ANOS1: variants seen among roughly 807,000 people sequenced by gnomAD.
The protein encoded by ANOS1 is anosmin 1, also known as anosmin-1.
In ANOS1, 6 loss-of-function variants were observed where a neutral mutation model predicts 59.0. The ratio of observed to expected loss-of-function variants is 0.10; its 90% CI spans 0.06 to 0.20. ANOS1 has a LOEUF of 0.20. ANOS1 is among the 10% of genes least tolerant of loss of function. The pLI, the probability that ANOS1 is intolerant of heterozygous loss-of-function variation, is 1.00. For synonymous variants in ANOS1, 217 were observed against 223.4 expected (o/e 0.97, Z 0.25); for missense variants, 433 against 542.3 (o/e 0.80, Z 2.00).
At chrX:8,700,917 G>A (rs185470664) in intron 1 of ANOS1, among the ~76,000 whole-genome samples, 1 of 111,792 alleles carries the variant, frequency 8.9e-6, no homozygotes, top group Admixed American at 9.5e-5. Flanking sequence ...GCTAAGGCAG[G>A]AGAATTGCTT....
intron 6 of ANOS1, among the ~76,000 whole-genome samples, chrX:8,583,453 G>A (rs965815548): frequency 8.9e-6 from 1 of 111,920 alleles, no homozygotes; most frequent in Non-Finnish European, 1.9e-5. Context: ...ATTTTTCCCA[G>A]TGAGGCTGTT....
intron 1 of ANOS1, among the ~76,000 whole-genome samples, chrX:8,727,685 A>G (rs1932932067): frequency 8.9e-6 from 1 of 112,130 alleles, no homozygotes; most frequent in Non-Finnish European, 1.9e-5. Context: ...GCCTGAGCAC[A>G]TGTGTCTGAG....
At chrX:8,544,927 G>A (rs1202217693) in intron 9 of ANOS1, among the ~76,000 whole-genome samples, 4 of 107,054 alleles carry the variant, frequency 3.7e-5, no homozygotes, top group Non-Finnish European at 7.7e-5. Flanking sequence ...TTAGCCAAGC[G>A]TGGTGGTGCC....
intron 3 of ANOS1, among the ~76,000 whole-genome samples, chrX:8,623,030 TGATGGATGGATG>T (rs34949507): frequency 0.035 from 3,540 of 102,395 alleles, 117 homozygotes; most frequent in African/African-American, 0.1. Context: ...GATGGATGGA[TGATGGATGGATG>T]GATGGATGGA....
rs941101138 is a variant in ANOS1 at position 8,533,614 on chromosome X, G to C, written c.1985-561C>G. The stretch of plus-strand genomic sequence containing the variant: ...ACACTTTTTTAAAAAATTTAAGCTA[G>C]AAAATAAAGTAAACGAAGTACATAA... On this transcript the variant is annotated intron_variant, in intron 13 of 13. Transcript: ENST00000262648. Among the ~76,000 whole-genome samples the C allele has an allele frequency of 2.7e-5, 3 of 111,892 alleles. No individual in the cohort carries two copies. The Admixed American group carries it at 2.9e-4, about 11-fold the overall frequency.
chrX:8,602,749 A>ATTT (rs1930866775), intron 3 of ANOS1, among the ~76,000 whole-genome samples: 1 of 110,218 alleles, frequency 9.1e-6, no homozygotes, highest in South Asian at 3.8e-4. Context: ...TATTATTATT[A>ATTT]TTATTATTTT....
intron 1 of ANOS1, among the ~76,000 whole-genome samples, chrX:8,723,484 A>G (rs1203283638): frequency 8.9e-6 from 1 of 112,457 alleles, no homozygotes; most frequent in African/African-American, 3.2e-5. Context: ...ACTAGTGATC[A>G]GGGAAATGCA....
chrX:8,643,085 T>C (rs75717827), intron 2 of ANOS1, among the ~76,000 whole-genome samples: 10 of 111,833 alleles, frequency 8.9e-5, no homozygotes, highest in African/African-American at 3.2e-4. Flanking sequence ...TATGAGTCAA[T>C]TGAAACACAT....
At chrX:8,728,668 G>T (rs897204210) in intron 1 of ANOS1, among the ~76,000 whole-genome samples, 3 of 112,092 alleles carry the variant, frequency 2.7e-5, no homozygotes, top group African/African-American at 9.7e-5. Context: ...AAAGCATCCT[G>T]GAGCCAGATA....
chrX:8,713,362 T>C (rs1253653924), intron 1 of ANOS1, among the ~76,000 whole-genome samples: 3 of 110,105 alleles, frequency 2.7e-5, no homozygotes, highest in Non-Finnish European at 3.8e-5. Context: ...CATGACTGAC[T>C]GAAGCAGTGA....
In ANOS1 at chrX:8,539,784, A is replaced by G. The variant is rs763122327; in HGVS notation, c.1355-26T>C. ...CTATAATGCCAAAACACGCAAACAAAAATAATAGGCTGGATGTTACATTCC... is the reference window on the plus strand; with the variant it reads ...CTATAATGCCAAAACACGCAAACAAGAATAATAGGCTGGATGTTACATTCC... On this transcript the variant is annotated intron_variant, in intron 9 of 13. Transcript: ENST00000262648. The G allele has an allele frequency of 4.1e-6, 5 of 1,210,301 alleles. No individual in the cohort carries two copies. The Admixed American group carries it at 1.1e-4, about 26-fold the overall frequency.
At chrX:8,625,108 C>CAAAAAT (rs201666765) in intron 2 of ANOS1, among the ~76,000 whole-genome samples, 1 of 107,220 alleles carries the variant, frequency 9.3e-6, no homozygotes, top group South Asian at 4.0e-4. Context: ...AACTCTGTCT[C>CAAAAAT]AAAAATAAAA....
chrX:8,711,716 G>A (rs1932813906), intron 1 of ANOS1, among the ~76,000 whole-genome samples: 4 of 112,498 alleles, frequency 3.6e-5, no homozygotes, highest in Admixed American at 9.4e-5. Flanking sequence ...TTAATCATGC[G>A]ATTAGCCATG....
chrX:8,561,884 A>G (rs1930038395), intron 8 of ANOS1, among the ~76,000 whole-genome samples: 1 of 111,774 alleles, frequency 8.9e-6, no homozygotes, highest in African/African-American at 3.2e-5. Flanking sequence ...GCTCAATGTC[A>G]ATCTTGTCTT....
At chrX:8,536,667 C>T in intron 11 of ANOS1, 104 bp downstream of exon 11, 1 of 601,993 alleles carries the variant, frequency 1.7e-6, no homozygotes, top group Admixed American at 2.6e-5. Flanking sequence ...GAAAGAGAGG[C>T]ACTTTTGGTT....
intron 6 of ANOS1, among the ~76,000 whole-genome samples, chrX:8,576,467 TAC>T (rs772802620): frequency 0.025 from 2,545 of 99,825 alleles, 91 homozygotes; most frequent in African/African-American, 0.082. Flanking sequence ...TATATATATA[TAC>T]ACACACACAC....
intron 3 of ANOS1, among the ~76,000 whole-genome samples, chrX:8,607,780 G>C (rs1231074370): frequency 9.1e-6 from 1 of 109,760 alleles, no homozygotes; most frequent in Non-Finnish European, 1.9e-5. Context: ...TAGGTACTAG[G>C]AATTTAATGG....
chrX:8,699,882 T>G (rs1019856916), intron 1 of ANOS1, 137 bp from the exon 2 acceptor site: 4 of 402,363 alleles, frequency 9.9e-6, no homozygotes, highest in Non-Finnish European at 1.7e-5. Flanking sequence ...CAAAACCTGC[T>G]GTCCTTCCCT....
At chrX:8,678,933 G>C (rs1204814139) in intron 2 of ANOS1, among the ~76,000 whole-genome samples, 1 of 111,795 alleles carries the variant, frequency 8.9e-6, no homozygotes, top group African/African-American at 3.2e-5. Flanking sequence ...CACTGGAGCA[G>C]ATGAAAGAAG....
Sources: allele counts gnomAD v4.1 joint callset (sites outside exome capture counted in the v4.1 genomes callset), GRCh38; gene constraint gnomAD v4.1.1; transcripts MANE v1.5; gene names NCBI Gene and HGNC (gene_info 2026-07-23, HGNC 2026-07-21).